The following ADCY4 variants were observed in gnomAD, a reference collection of about 807,000 sequenced individuals.
ADCY4 encodes adenylate cyclase 4, also known as adenylate cyclase type 4.
Under a neutral mutation model 125.5 loss-of-function variants are expected in ADCY4, and 111 were observed. The ratio of observed to expected loss-of-function variants is 0.88; its 90% CI spans 0.76 to 1.04. ADCY4 has a LOEUF of 1.04. Ranked by LOEUF, ADCY4 falls within the 50% of genes least tolerant of loss-of-function variation. The pLI, the probability that ADCY4 is intolerant of heterozygous loss-of-function variation, is 0.00. For missense variants in ADCY4, 1,256 were observed against 1,382.9 expected, an observed-to-expected ratio of 0.91 and a Z score of 1.46; for synonymous variants, 576 against 586.9, an observed-to-expected ratio of 0.98 and a Z score of 0.27.
In ADCY4 at chr14:24,319,469, C is replaced by T. The variant is rs1435661181; in HGVS notation, c.2734-33G>A. 1 of 1,599,246 alleles carries T rather than the reference C, an allele frequency of 6.3e-7. No individual in the cohort carries two copies. Among genetic ancestry groups the T allele is most frequent in the Non-Finnish European group, 8.6e-7 (1 of 1,166,978 alleles). On this transcript the variant is annotated intron_variant, in intron 21 of 24. Coordinates refer to ENST00000418030, the MANE Select transcript of ADCY4 (RefSeq NM_001198568.2). This position sits in a 1 kb window ranked among gnomAD's most constrained non-coding sequence, Gnocchi z 4.5. ...TAGAGAAGAGTCCTGTCCCCAGTCT[C>T]TCTTACTCTCTCCATCACCTCTCCC...
Position 24,331,123 on chromosome 14 carries a change from C to T in ADCY4, c.825G>A (p.Leu275=), listed in dbSNP as rs780402940. The T allele has an allele frequency of 1.2e-5, 19 of 1,613,174 alleles. No homozygotes were observed. Among genetic ancestry groups the T allele is most frequent in the Middle Eastern group, 1.6e-4 (1 of 6,062 alleles). The change falls in exon 6 of 25, where the codon CTG becomes CTA. Residue 275 remains leucine, a synonymous_variant. Coordinates refer to ENST00000418030, the MANE Select transcript of ADCY4 (RefSeq NM_001198568.2). ...GCGTGAAGCCCACGATGTCAGCATA[C>T]AGCACGCTGCATAGGGCAGACTGTG... ...YVKRHQGVSV[L]YADIVGFTRL...
At chr14:24,329,837 C>G in intron 8 of ADCY4, 23 bp downstream of exon 8, 1 of 1,601,788 alleles carries the variant, frequency 6.2e-7, no homozygotes, top group East Asian at 2.2e-5. Context: ...TCTGCTGTAG[C>G]TGCCTAGGGC....
chr14:24,322,962 G>A lies in ADCY4; in HGVS notation c.2284C>T (p.His762Tyr), dbSNP rs1434825418. 1 of 1,613,698 alleles carries A rather than the reference G, an allele frequency of 6.2e-7. No homozygotes were observed. Among genetic ancestry groups the A allele is most frequent in the Non-Finnish European group, 8.5e-7 (1 of 1,179,898 alleles). The change falls in exon 18 of 25, where the codon CAT becomes TAT. Residue 762 changes from histidine (H) to tyrosine (Y), a missense_variant. Coordinates refer to ENST00000418030, the MANE Select transcript of ADCY4 (RefSeq NM_001198568.2). The part of the protein sequence containing the change: ...AASCSLFLHS[H>Y]AWLSECLIVR... Reference sequence around the variant, plus strand: ...ATGAGGCATTCCGACAGCCAGGCATGGGAGTGCAGGAAGAGGGAGCAGGAT... The same window carrying A: ...ATGAGGCATTCCGACAGCCAGGCATAGGAGTGCAGGAAGAGGGAGCAGGAT...
rs1451817448 is a variant in ADCY4 at position 24,319,347 on chromosome 14, A to G, written c.2823T>C (p.Ser941=). ...GCCGTACCTGTTGTGCATCCTGTCC[A>G]GAGGTGGCATTTAAGCCTGTGGCTG... The part of the protein sequence containing the change: ...YMAATGLNAT[S]GQDAQQDAER... Residue 941 remains serine (S), a synonymous_variant, in exon 22 of 25, where the codon TCT becomes TCC. Transcript: ENST00000418030. This position sits in a 1 kb window ranked among gnomAD's most constrained non-coding sequence, Gnocchi z 4.5. 1 of 1,614,200 alleles carries G rather than the reference A, an allele frequency of 6.2e-7. No individual in the cohort carries two copies. Among genetic ancestry groups the G allele is most frequent in the South Asian group, 1.1e-5 (1 of 91,084 alleles).
chr14:24,321,891 T>G (rs1360199886), intron 20 of ADCY4, 175 bp downstream of exon 20: 3 of 1,357,030 alleles, frequency 2.2e-6, no homozygotes, highest in Non-Finnish European at 2.8e-6. Flanking sequence ...AATGCAGTTT[T>G]GTGCTCACCA....
At chr14:24,323,519 G>A (rs947091491) in intron 16 of ADCY4, 65 bp from the exon 17 acceptor site, 1 of 1,539,822 alleles carries the variant, frequency 6.5e-7, no homozygotes, top group African/African-American at 1.4e-5. Flanking sequence ...GCTTGTGCTG[G>A]GTTTCAGCTG....
intron 3 of ADCY4, 88 bp downstream of exon 3, chr14:24,332,434 G>C (rs1357217365): frequency 7.0e-7 from 1 of 1,428,172 alleles, no homozygotes; most frequent in Admixed American, 2.3e-5. Context: ...CCTTGACTTG[G>C]AGTCACAGCT....
intron 6 of ADCY4, 65 bp downstream of exon 6, chr14:24,330,953 T>G (rs558950202): frequency 1.5e-4 from 214 of 1,456,294 alleles, no homozygotes; most frequent in Non-Finnish European, 1.8e-4. Context: ...GAGTTTCCCT[T>G]GGAAGGGGCT....
chr14:24,332,867 C>T lies in ADCY4; in HGVS notation c.281G>A (p.Gly94Asp), dbSNP rs1193613674. 7 of 1,604,830 alleles carry T rather than the reference C, an allele frequency of 4.4e-6. No individual in the cohort carries two copies. The highest frequency in any genetic ancestry group is 6.0e-6 in the Non-Finnish European group (7 of 1,176,030). Reference protein sequence around the residue: ...RLQRWTRPLSGLVWVALLALG... With the variant: ...RLQRWTRPLSDLVWVALLALG... ...CGCTAGCAGCGCGACCCATACCAAG[C>T]CGGACAGGGGACGCGTCCAGCGCTG... Residue 94 changes from glycine (G) to aspartate (D), a missense_variant, in exon 2 of 25, where the codon GGC becomes GAC. Transcript: ENST00000418030.
intron 19 of ADCY4, 97 bp from the exon 20 acceptor site, chr14:24,322,321 C>G (rs2041865156): frequency 1.3e-5 from 18 of 1,360,728 alleles, no homozygotes; most frequent in Non-Finnish European, 1.6e-5. Flanking sequence ...GAAACCACCC[C>G]CACCCCACCC....
chr14:24,332,030 G>A, intron 3 of ADCY4, 93 bp from the exon 4 acceptor site: 4 of 1,381,950 alleles, frequency 2.9e-6, no homozygotes, highest in Non-Finnish European at 2.9e-6. Flanking sequence ...GGGAAGACTG[G>A]GCTTTACAGT....
intron 3 of ADCY4, 130 bp downstream of exon 3, chr14:24,332,392 G>C: frequency 9.2e-7 from 1 of 1,088,212 alleles, no homozygotes; most frequent in South Asian, 1.6e-5. Flanking sequence ...CTCTGCGAAA[G>C]CACGGTTGGG....
At chr14:24,328,894 G>T (rs1363867989) in intron 10 of ADCY4, 167 bp downstream of exon 10, 1 of 824,962 alleles carries the variant, frequency 1.2e-6, no homozygotes, top group Non-Finnish European at 1.9e-6. Context: ...GGGCAAGGAA[G>T]GGCCTGAACC....
In ADCY4 at chr14:24,329,123, C is replaced by T. The variant is rs1186797159; in HGVS notation, c.1462G>A (p.Ala488Thr). ...TGGCTCAGGTGGGCAAAAGGCTTGG[C>T]TGCGCCCCAGGACTCCAGGTAACGG... ...MTRYLESWGA[A>T]KPFAHLSHGD... The change falls in exon 10 of 25, where the codon GCC (alanine) becomes ACC (threonine). Residue 488 changes from alanine (A) to threonine (T), a missense_variant. Ala to Thr is a moderately conservative substitution (Grantham distance 58, BLOSUM62 0). Coordinates refer to ENST00000418030, the MANE Select transcript of ADCY4 (RefSeq NM_001198568.2). 1 of 1,613,962 alleles carries T rather than the reference C, an allele frequency of 6.2e-7. No homozygotes were observed. Among genetic ancestry groups the T allele is most frequent in the Admixed American group, 1.7e-5 (1 of 60,014 alleles).
At position 24,324,380 on chromosome 14, in the gene ADCY4, A is replaced by G; in HGVS notation, c.1835T>C (p.Leu612Pro). ...GAAGGTGATGCTATACGTGATGGCC[A>G]GAGCTGGGGGCCTGAAGGGAGACAA... ...QMLVTNRPPA[L>P]AITYSITFLL... is the part of the protein sequence containing the mutation. Residue 612 changes from leucine to proline, a missense_variant, in exon 15 of 25, where the codon CTG becomes CCG. Transcript: ENST00000418030. 1 of 1,614,134 alleles carries G rather than the reference A, an allele frequency of 6.2e-7. No individual in the cohort carries two copies. The highest frequency in any genetic ancestry group is 8.5e-7 in the Non-Finnish European group (1 of 1,179,942).
Position 24,319,080 on chromosome 14 carries a change from G to A in ADCY4, c.2956+18C>T. 3 of 1,612,688 alleles carry A rather than the reference G, an allele frequency of 1.9e-6. No homozygotes were observed. Among genetic ancestry groups the A allele is most frequent in the Non-Finnish European group, 2.5e-6 (3 of 1,178,806 alleles). On this transcript the variant is annotated intron_variant, in intron 23 of 24. Coordinates refer to ENST00000418030, the MANE Select transcript of ADCY4 (RefSeq NM_001198568.2). This position sits in a 1 kb window ranked among gnomAD's most constrained non-coding sequence, Gnocchi z 4.5. ...GGTGAGGAGGTACCAGACTGCTGCAGCAGGGGAAGTCTCTCACCCACTCGC... is the reference window on the plus strand; with the variant it reads ...GGTGAGGAGGTACCAGACTGCTGCAACAGGGGAAGTCTCTCACCCACTCGC...
rs1444812185 is a variant in ADCY4 at position 24,330,196 on chromosome 14, T to C, written c.1030A>G (p.Met344Val). The C allele has an allele frequency of 6.8e-6, 11 of 1,614,168 alleles. No individual in the cohort carries two copies. The highest frequency in any genetic ancestry group is 1.3e-5 in the African/African-American group (1 of 75,044). The change falls in exon 7 of 25, where the codon ATG (methionine) becomes GTG (valine). Residue 344 changes from methionine (M) to valine (V), a missense_variant. Met to Val is a conservative substitution (Grantham distance 21). Coordinates refer to ENST00000418030, the MANE Select transcript of ADCY4 (RefSeq NM_001198568.2). ...ATGGCCCGGCACATGTCCAGGCCCA[T>C]GCGCACGCAGTTGATGGCATGGTCT... ...LPDHAINCVRMGLDMCRAIRK... is the reference protein window; with the variant it reads ...LPDHAINCVRVGLDMCRAIRK...
chr14:24,325,476 T>A lies in ADCY4; in HGVS notation c.1726-2A>T. The A allele has an allele frequency of 1.2e-6, 2 of 1,610,732 alleles. No individual in the cohort carries two copies. Among genetic ancestry groups the A allele is most frequent in the Non-Finnish European group, 1.7e-6 (2 of 1,177,208 alleles). ...GGCGGGGATTGCAGAGAGTCGGTAC[T>A]GAAAGTGAGAGGGCCAGAGGTGGAG... On this transcript the variant is annotated splice_acceptor_variant, in intron 13 of 24. Transcript: ENST00000418030. LOFTEE classifies it high-confidence loss of function.
In ADCY4 at chr14:24,332,566, A is replaced by G. The variant is rs1231264370; in HGVS notation, c.475T>C (p.Tyr159His). ...SLSHLLVLGLYLGPQPDSRPA... is the reference protein window; with the variant it reads ...SLSHLLVLGLHLGPQPDSRPA... ...CGTGAGTCCGGCTGTGGCCCAAGAT[A>G]CAGCCCGAGGACCAGCAGATGCGAG... Residue 159 changes from tyrosine to histidine, a missense_variant, in exon 3 of 25, where the codon TAT becomes CAT. Physicochemically the swap from Tyr to His is moderately conservative, Grantham distance 83 (BLOSUM62 2). Coordinates refer to ENST00000418030, the MANE Select transcript of ADCY4 (RefSeq NM_001198568.2). 1.3e-6 allele frequency: 2 copies of G among 1,575,658 alleles called. No individual in the cohort carries two copies. Among genetic ancestry groups the G allele is most frequent in the East Asian group, 2.3e-5 (1 of 43,292 alleles).
Sources: gnomAD v4.1 joint callset for allele counts on GRCh38, gnomAD v4.1.1 for gene constraint, Gnocchi (gnomAD v3.1) non-coding constraint, MANE v1.5 for transcripts, NCBI Gene and HGNC (gene_info 2026-07-23, HGNC 2026-07-21) for gene names.